The following ARHGAP29 variants were observed in gnomAD, a reference collection of about 807,000 sequenced individuals.
The protein encoded by ARHGAP29 is Rho GTPase activating protein 29.
ARHGAP29 carries 43 observed loss-of-function variants against 122.6 expected under a neutral mutation model. The ratio of observed to expected loss-of-function variants is 0.35; its 90% CI spans 0.27 to 0.45. The LOEUF (loss-of-function observed/expected upper bound fraction) is 0.45. Among genes scored for constraint, ARHGAP29 ranks in the 20% least tolerant of loss-of-function variants. ARHGAP29 has a pLI of 1.00. For missense variants in ARHGAP29, 1,303 were observed against 1,477.2 expected (o/e 0.88, Z 1.93); for synonymous variants, 506 against 497.1 (o/e 1.02, Z -0.24).
the ARHGAP29 span, among the ~76,000 whole-genome samples, chr1:94,305,955 T>C: frequency 6.6e-6 from 1 of 152,086 alleles, no homozygotes; most frequent in African/African-American, 2.4e-5. Context: ...CACATTCTGG[T>C]TCAGTGAGAG....
intron 2 of ARHGAP29, among the ~76,000 whole-genome samples, chr1:94,221,045 C>A (rs1447262506): frequency 6.6e-6 from 1 of 152,166 alleles, no homozygotes; most frequent in African/African-American, 2.4e-5. Flanking sequence ...AGTGCTCATT[C>A]ATTTTCTCCC....
chr1:94,305,643 C>A, the ARHGAP29 span, among the ~76,000 whole-genome samples: 1 of 152,242 alleles, frequency 6.6e-6, no homozygotes, highest in East Asian at 1.9e-4. Flanking sequence ...AAGAACTCGG[C>A]AGTGCCAATA....
intron 1 of ARHGAP29, among the ~76,000 whole-genome samples, chr1:94,255,382 T>C (rs1654298442): frequency 6.6e-6 from 1 of 152,184 alleles, no homozygotes; most frequent in African/African-American, 2.4e-5. Context: ...TGAATTTCTG[T>C]TGTTTAAGCC....
At chr1:94,187,688 T>G (rs963258126) in intron 15 of ARHGAP29, among the ~76,000 whole-genome samples, 1 of 152,160 alleles carries the variant, frequency 6.6e-6, no homozygotes, top group African/African-American at 2.4e-5. Flanking sequence ...TTCTAAAATT[T>G]TGCCTTTACC....
At chr1:94,308,898 G>A in the ARHGAP29 span, among the ~76,000 whole-genome samples, 1 of 152,206 alleles carries the variant, frequency 6.6e-6, no homozygotes, top group Non-Finnish European at 1.5e-5. Flanking sequence ...TTCCCAGGGT[G>A]GACAGTTCTG....
At chr1:94,204,286 C>T (rs1209572063) in intron 7 of ARHGAP29, among the ~76,000 whole-genome samples, 2 of 152,042 alleles carry the variant, frequency 1.3e-5, no homozygotes, top group Non-Finnish European at 2.9e-5. Flanking sequence ...AGGCATAAGC[C>T]ACCATGTACA....
At chr1:94,197,214 G>C (rs1055827942) in intron 12 of ARHGAP29, among the ~76,000 whole-genome samples, 1 of 151,794 alleles carries the variant, frequency 6.6e-6, no homozygotes, top group Non-Finnish European at 1.5e-5. Context: ...GACATTAAAA[G>C]GTAAGAGAAT....
At chr1:94,222,352 G>C (rs1652352301) in intron 2 of ARHGAP29, among the ~76,000 whole-genome samples, 1 of 152,170 alleles carries the variant, frequency 6.6e-6, no homozygotes, top group Non-Finnish European at 1.5e-5. Flanking sequence ...CTTGACAGTG[G>C]AGAAACTTGA....
intron 1 of ARHGAP29, among the ~76,000 whole-genome samples, chr1:94,255,744 C>T (rs1382173412): frequency 1.3e-5 from 2 of 152,166 alleles, no homozygotes; most frequent in Non-Finnish European, 2.9e-5. Context: ...AAAGAATTTT[C>T]AGTGGGAGGA....
chr1:94,301,553 G>A, the ARHGAP29 span, among the ~76,000 whole-genome samples: 1 of 152,184 alleles, frequency 6.6e-6, no homozygotes, highest in East Asian at 1.9e-4. Flanking sequence ...GGGAAGGAAG[G>A]CTCTGATTTC....
At chr1:94,189,027 C>A in intron 14 of ARHGAP29, 86 bp from the exon 15 acceptor site, 1 of 1,424,852 alleles carries the variant, frequency 7.0e-7, no homozygotes, top group Non-Finnish European at 9.7e-7. Context: ...TGAGACAATT[C>A]AAATTTCTTT....
rs1652210556 is a variant in ARHGAP29 at position 94,220,240 on chromosome 1, T to G, written c.340+18A>C. The stretch of plus-strand genomic sequence containing the variant: ...CCTTTTTGCCCACAGCAACCCACTT[T>G]TACTATATCTTCCTTACCTTTCACT... On this transcript the variant is annotated intron_variant, in intron 3 of 22. Transcript: ENST00000260526. The G allele has an allele frequency of 3.1e-6, 5 of 1,612,442 alleles. No homozygotes were observed. The Admixed American group carries it at 8.4e-5, about 27-fold the overall frequency.
At position 94,203,228 on chromosome 1, in the gene ARHGAP29, A is replaced by G; in HGVS notation, c.763-18T>C. 1 of 1,550,914 alleles carries G rather than the reference A, an allele frequency of 6.4e-7. No homozygotes were observed. The highest frequency in any genetic ancestry group is 1.9e-5 in the Admixed American group (1 of 53,216). ...ATGAACTCCTAAAATTTAAAATTGA[A>G]AAGTAAATTTTACAATAGAAATGGC... On this transcript the variant is annotated intron_variant, in intron 8 of 22. Transcript: ENST00000260526.
At chr1:94,276,850 C>G (rs371143098), upstream of ARHGAP29, among the ~76,000 whole-genome samples, 27 of 141,856 alleles carry the variant, frequency 1.9e-4, no homozygotes, top group South Asian at 3.6e-3. Flanking sequence ...GTTCCTATTA[C>G]TAGCATATTG....
chr1:94,187,213 T>A (rs1275693143), intron 15 of ARHGAP29, among the ~76,000 whole-genome samples: 1 of 152,220 alleles, frequency 6.6e-6, no homozygotes, highest in Non-Finnish European at 1.5e-5. Context: ...GCAGCTCAAC[T>A]GGGAATGAGG....
the ARHGAP29 span, among the ~76,000 whole-genome samples, chr1:94,312,590 C>T: frequency 6.6e-6 from 1 of 151,918 alleles, no homozygotes; most frequent in African/African-American, 2.4e-5. Flanking sequence ...TGCCACCACA[C>T]CCAGCTAATG....
chr1:94,208,570 C>T (rs1324745822), intron 5 of ARHGAP29, among the ~76,000 whole-genome samples: 1 of 151,980 alleles, frequency 6.6e-6, no homozygotes, highest in East Asian at 1.9e-4. Flanking sequence ...AGCAATTCTC[C>T]TGCCTCAGCC....
At chr1:94,309,353 A>G in the ARHGAP29 span, among the ~76,000 whole-genome samples, 1 of 152,198 alleles carries the variant, frequency 6.6e-6, no homozygotes, top group African/African-American at 2.4e-5. Flanking sequence ...AGGGGAGGTC[A>G]GGGCCCTCTT....
At chr1:94,233,411 T>TAGCAGTTG (rs11281663) in intron 1 of ARHGAP29, among the ~76,000 whole-genome samples, 1 of 151,594 alleles carries the variant, frequency 6.6e-6, no homozygotes, top group Non-Finnish European at 1.5e-5. Flanking sequence ...GCTACCACAC[T>TAGCAGTTG]AGTGAATTAC....
Sources: gnomAD v4.1 joint callset for allele counts (sites outside exome capture counted in the v4.1 genomes callset) on GRCh38, gnomAD v4.1.1 for gene constraint, MANE v1.5 for transcripts, NCBI Gene and HGNC (gene_info 2026-07-23, HGNC 2026-07-21) for gene names.